TMEM123: variants seen among roughly 807,000 people sequenced by gnomAD.
The protein encoded by TMEM123 is porimin.
In TMEM123, 16 loss-of-function variants were observed where a neutral mutation model predicts 19.7. That is an observed-to-expected ratio of 0.81 (90% CI 0.55 to 1.23). The LOEUF is 1.23. Among genes scored for constraint, TMEM123 ranks in the 50% most tolerant of loss-of-function variants. The pLI, the probability that TMEM123 is intolerant of heterozygous loss-of-function variation, is 0.00. For missense variants in TMEM123, 313 were observed against 257.8 expected (o/e 1.21, Z -1.47); for synonymous variants, 118 against 99.4 (o/e 1.19, Z -1.12).
chr11:102,437,879 T>C (rs183594961), intron 2 of TMEM123, among the ~76,000 whole-genome samples: 10 of 152,246 alleles, frequency 6.6e-5, no homozygotes, highest in African/African-American at 2.4e-4. Flanking sequence ...GCCTGGAATG[T>C]TCCTCCCCCT....
rs1381162719 is a variant in TMEM123 at position 102,402,282 on chromosome 11, T to C, written c.158-76A>G. Reference sequence around the variant, plus strand: ...AGATCCCATTTCACTGAGACTTTCATGGTCACAGACAAAGCAAGAGATCTT... The same window carrying C: ...AGATCCCATTTCACTGAGACTTTCACGGTCACAGACAAAGCAAGAGATCTT... On this transcript the variant is annotated intron_variant, in intron 2 of 4. Coordinates refer to ENST00000398136, the MANE Select transcript of TMEM123 (RefSeq NM_052932.3). 3.4e-6 allele frequency: 5 copies of C among 1,471,944 alleles called. No homozygotes were observed. In the African/African-American group the frequency reaches 4.2e-5, roughly 12 times the overall value. 91.2% of individuals were successfully genotyped at this position (1,471,944 alleles called of 1,614,324 possible). A position where few individuals can be genotyped will look rare whatever the true frequency, so the allele number is the denominator to read the frequency against.
At chr11:102,447,857 C>T (rs1013529895) in intron 2 of TMEM123, among the ~76,000 whole-genome samples, 1 of 152,130 alleles carries the variant, frequency 6.6e-6, no homozygotes, top group East Asian at 1.9e-4. Context: ...AAACCAAGAA[C>T]ATAAACTAAG....
chr11:102,430,383 T>C (rs982006757), intron 2 of TMEM123, among the ~76,000 whole-genome samples: 1 of 152,216 alleles, frequency 6.6e-6, no homozygotes, highest in African/African-American at 2.4e-5. Flanking sequence ...GCTGACTTTC[T>C]AGTTGGGGAG....
intron 2 of TMEM123, among the ~76,000 whole-genome samples, chr11:102,405,238 G>A (rs527752767): frequency 3.8e-4 from 57 of 151,806 alleles, no homozygotes; most frequent in African/African-American, 1.3e-3. Flanking sequence ...TATTAGAGAC[G>A]GGGTTTCACC....
intron 2 of TMEM123, among the ~76,000 whole-genome samples, chr11:102,437,895 T>C (rs1857781406): frequency 6.6e-6 from 1 of 152,092 alleles, no homozygotes; most frequent in Admixed American, 6.5e-5. Context: ...CCCCTAGCAT[T>C]TGTAGGGCTG....
At chr11:102,447,627 G>C (rs1184587224) in intron 2 of TMEM123, among the ~76,000 whole-genome samples, 1 of 152,160 alleles carries the variant, frequency 6.6e-6, no homozygotes, top group African/African-American at 2.4e-5. Context: ...AAAAGGAAAA[G>C]CTATCTAATA....
At chr11:102,413,162 C>T (rs982101190) in intron 2 of TMEM123, among the ~76,000 whole-genome samples, 3 of 152,158 alleles carry the variant, frequency 2.0e-5, no homozygotes, top group Non-Finnish European at 2.9e-5. Context: ...CTTCCAGCAA[C>T]TCATACAAAT....
At chr11:102,413,781 A>T (rs2135848853) in intron 2 of TMEM123, among the ~76,000 whole-genome samples, 1 of 152,290 alleles carries the variant, frequency 6.6e-6, no homozygotes, top group East Asian at 1.9e-4. Flanking sequence ...CAGCGCAAGA[A>T]CTCTGGCAAC....
At chr11:102,442,812 C>A (rs1857841256) in intron 2 of TMEM123, among the ~76,000 whole-genome samples, 1 of 152,124 alleles carries the variant, frequency 6.6e-6, no homozygotes, top group Non-Finnish European at 1.5e-5. Context: ...ATCTCAGCCC[C>A]AAATCTCCTT....
chr11:102,452,066 C>T (rs1193074085), intron 1 of TMEM123: 4 of 153,238 alleles, frequency 2.6e-5, no homozygotes, highest in Non-Finnish European at 5.8e-5. Context: ...TAATATTAGA[C>T]GCTGAAATGC....
intron 2 of TMEM123, among the ~76,000 whole-genome samples, chr11:102,415,606 A>T (rs988526574): frequency 6.6e-6 from 1 of 152,218 alleles, no homozygotes; most frequent in Non-Finnish European, 1.5e-5. Context: ...AGGCAGAAAT[A>T]AAAAAATTCT....
At chr11:102,437,611 C>CA (rs1857778136) in intron 2 of TMEM123, among the ~76,000 whole-genome samples, 1 of 152,118 alleles carries the variant, frequency 6.6e-6, no homozygotes, top group Non-Finnish European at 1.5e-5. Context: ...AGGCATACTT[C>CA]AGGAAAGAAA....
intron 2 of TMEM123, among the ~76,000 whole-genome samples, chr11:102,442,149 T>G (rs1857833494): frequency 6.6e-6 from 1 of 152,212 alleles, no homozygotes; most frequent in African/African-American, 2.4e-5. Flanking sequence ...GCACTCCTTC[T>G]GAAACTATTC....
At chr11:102,446,841 A>G in intron 2 of TMEM123, among the ~76,000 whole-genome samples, 1 of 152,318 alleles carries the variant, frequency 6.6e-6, no homozygotes, top group East Asian at 1.9e-4. Flanking sequence ...TACACATCAT[A>G]ATGGAATTTG....
chr11:102,429,799 G>C (rs983991309), intron 2 of TMEM123, among the ~76,000 whole-genome samples: 3 of 152,208 alleles, frequency 2.0e-5, no homozygotes, highest in Admixed American at 2.0e-4. Context: ...CAGCAACACT[G>C]CTCCACCATC....
At chr11:102,438,129 C>G (rs373655081) in intron 2 of TMEM123, among the ~76,000 whole-genome samples, 24 of 152,328 alleles carry the variant, frequency 1.6e-4, no homozygotes, top group South Asian at 1.2e-3. Context: ...TCTCGGCTCA[C>G]TGCAATCTCT....
chr11:102,447,068 G>A (rs1199521984), intron 2 of TMEM123, among the ~76,000 whole-genome samples: 2 of 151,816 alleles, frequency 1.3e-5, no homozygotes, highest in African/African-American at 4.9e-5. Context: ...AGAGGAATGC[G>A]ACAGTTATGA....
intron 2 of TMEM123, among the ~76,000 whole-genome samples, chr11:102,421,046 C>T (rs1044344483): frequency 6.6e-6 from 1 of 151,998 alleles, no homozygotes; most frequent in Admixed American, 6.6e-5. Flanking sequence ...GACTCCATCT[C>T]GAAAGAAAAC....
chr11:102,432,204 T>C (rs1430289461), intron 2 of TMEM123, among the ~76,000 whole-genome samples: 1 of 152,044 alleles, frequency 6.6e-6, no homozygotes, highest in African/African-American at 2.4e-5. Context: ...GACAGGGAAA[T>C]GTGGGAAAGT....
Sources: allele counts gnomAD v4.1 joint callset (sites outside exome capture counted in the v4.1 genomes callset), GRCh38; gene constraint gnomAD v4.1.1; transcripts MANE v1.5; gene names NCBI Gene and HGNC (gene_info 2026-07-23, HGNC 2026-07-21).